The following NCK2 variants were observed in gnomAD, a reference collection of about 807,000 sequenced individuals.
NCK2 encodes the protein cytoplasmic protein NCK2.
In NCK2, 16 loss-of-function variants were observed where a neutral mutation model predicts 33.9. That is an observed-to-expected ratio of 0.47 (90% CI 0.32 to 0.72). The LOEUF is 0.72. Ranked by LOEUF, NCK2 falls within the 30% of genes least tolerant of loss-of-function variation. The pLI is 0.03. For missense variants in NCK2, 418 were observed against 537.3 expected, an observed-to-expected ratio of 0.78 and a Z score of 2.19; for synonymous variants, 273 against 239.9, an observed-to-expected ratio of 1.14 and a Z score of -1.27.
intron 1 of NCK2, among the ~76,000 whole-genome samples, chr2:105,780,323 TATACACACACAC>T (rs1470108435): frequency 4.9e-5 from 5 of 102,740 alleles, no homozygotes; most frequent in African/African-American, 3.2e-4. Flanking sequence ...GAGAGAGATA[TATACACACACAC>T]ACACACACAC....
intron 4 of NCK2, among the ~76,000 whole-genome samples, chr2:105,884,176 C>T (rs1678623257): frequency 6.6e-6 from 1 of 152,214 alleles, no homozygotes; most frequent in Non-Finnish European, 1.5e-5. Context: ...TCTCAGCTGT[C>T]ATCTGTGACT....
intron 1 of NCK2, among the ~76,000 whole-genome samples, chr2:105,754,232 T>C (rs1689539021): frequency 6.6e-6 from 1 of 152,188 alleles, no homozygotes; most frequent in African/African-American, 2.4e-5. Flanking sequence ...GGTTCCAGGA[T>C]ATGTGGTGGC....
At chr2:105,824,160 A>C (rs533454918) in intron 2 of NCK2, among the ~76,000 whole-genome samples, 1 of 151,654 alleles carries the variant, frequency 6.6e-6, no homozygotes, top group African/African-American at 2.4e-5. Context: ...TGTGATTGTT[A>C]CCTTATTTCA....
At chr2:105,839,711 C>G (rs1676564244) in intron 2 of NCK2, among the ~76,000 whole-genome samples, 1 of 152,178 alleles carries the variant, frequency 6.6e-6, no homozygotes. Context: ...GTGCAGGAGT[C>G]TGGCATTTGG....
chr2:105,818,177 G>A lies in NCK2; in HGVS notation c.-17+1564G>A, dbSNP rs997219091. Among the ~76,000 whole-genome samples, 212 of 148,736 alleles carry A rather than the reference G, an allele frequency of 1.4e-3. 1 individual carries two copies. The highest frequency in any genetic ancestry group is 4.5e-3 in the African/African-American group (181 of 40,340). ...ATCATTCTCAGCAAACTATCGCAAGGACAAAAAACCAAACACTGCATGTTC... is the reference window on the plus strand; with the variant it reads ...ATCATTCTCAGCAAACTATCGCAAGAACAAAAAACCAAACACTGCATGTTC... On this transcript the variant is annotated intron_variant, in intron 2 of 4. Coordinates refer to ENST00000233154, the MANE Select transcript of NCK2 (RefSeq NM_003581.5).
chr2:105,839,823 C>T (rs1025321681), intron 2 of NCK2, among the ~76,000 whole-genome samples: 6 of 152,156 alleles, frequency 3.9e-5, no homozygotes, highest in Admixed American at 2.0e-4. Context: ...CCTGGCTACC[C>T]CTCCATCTTT....
intron 2 of NCK2, among the ~76,000 whole-genome samples, chr2:105,828,469 A>G (rs1203099730): frequency 1.3e-5 from 2 of 152,218 alleles, no homozygotes; most frequent in Non-Finnish European, 2.9e-5. Flanking sequence ...CAGCACACTC[A>G]CCCACCGCAG....
chr2:105,843,152 G>A (rs1676714637), intron 2 of NCK2, among the ~76,000 whole-genome samples: 1 of 151,906 alleles, frequency 6.6e-6, no homozygotes, highest in African/African-American at 2.4e-5. Context: ...GAGATATCTT[G>A]GGAATGGGAC....
chr2:105,851,051 C>G (rs1322354371), intron 2 of NCK2, among the ~76,000 whole-genome samples: 1 of 152,162 alleles, frequency 6.6e-6, no homozygotes, highest in Non-Finnish European at 1.5e-5. Context: ...GAGAAAAGAC[C>G]GAAGCCTGTG....
chr2:105,893,486 C>T lies in NCK2; in HGVS notation c.*310C>T. On this transcript the variant is annotated 3_prime_UTR_variant, in exon 5 of 5. Coordinates refer to ENST00000233154, the MANE Select transcript of NCK2 (RefSeq NM_003581.5). Reference sequence around the variant, plus strand: ...CATGGAACCCCTCTTTAAAAAGACGCAGGGCACCTGTGAGCGCAGGAGCGA... The same window carrying T: ...CATGGAACCCCTCTTTAAAAAGACGTAGGGCACCTGTGAGCGCAGGAGCGA... 3.2e-6 allele frequency: 1 copy of T among 316,822 alleles called. No individual in the cohort carries two copies. 19.6% of individuals were successfully genotyped at this position (316,822 alleles called of 1,614,324 possible).
At chr2:105,848,149 C>G (rs757003768) in intron 2 of NCK2, among the ~76,000 whole-genome samples, 1 of 152,214 alleles carries the variant, frequency 6.6e-6, no homozygotes, top group African/African-American at 2.4e-5. Flanking sequence ...TAACACTTGT[C>G]CAGCACAGAC....
chr2:105,890,475 A>G (rs1465841586), intron 4 of NCK2, among the ~76,000 whole-genome samples: 17 of 152,210 alleles, frequency 1.1e-4, no homozygotes, highest in Non-Finnish European at 1.2e-4. Flanking sequence ...TACAACTTCT[A>G]GTACAGAATA....
intron 2 of NCK2, among the ~76,000 whole-genome samples, chr2:105,836,171 G>A (rs1269276711): frequency 6.7e-6 from 1 of 149,000 alleles, no homozygotes; most frequent in Non-Finnish European, 1.5e-5. Context: ...AGGTTTTATT[G>A]TTTCCTTGCT....
At chr2:105,760,406 G>C (rs997209471) in intron 1 of NCK2, among the ~76,000 whole-genome samples, 1 of 152,190 alleles carries the variant, frequency 6.6e-6, no homozygotes, top group Non-Finnish European at 1.5e-5. Context: ...TTCCCCAGGT[G>C]ATTCTGATGC....
intron 1 of NCK2, among the ~76,000 whole-genome samples, chr2:105,781,400 A>G (rs1450516037): frequency 1.3e-5 from 2 of 152,184 alleles, no homozygotes; most frequent in African/African-American, 4.8e-5. Flanking sequence ...AGACTTGACT[A>G]AATGCAATCT....
In NCK2 at chr2:105,879,878, T is replaced by C. The variant is rs567779319; in HGVS notation, c.227-1450T>C. On this transcript the variant is annotated intron_variant, in intron 3 of 4. Transcript: ENST00000233154. ...GGGTACAAGCTACCCATGGAAGTGC[T>C]TGGAGGAAGTCATTTTGAGGAGTCT... is the stretch of plus-strand genomic sequence containing the variant. Among the ~76,000 whole-genome samples the C allele has an allele frequency of 3.3e-5, 5 of 152,360 alleles. No individual in the cohort carries two copies. The East Asian group carries it at 5.8e-4, about 18-fold the overall frequency.
At chr2:105,841,687 A>G (rs1248747474) in intron 2 of NCK2, among the ~76,000 whole-genome samples, 1 of 150,138 alleles carries the variant, frequency 6.7e-6, no homozygotes, top group Admixed American at 6.6e-5. Context: ...CTGGTGACCA[A>G]CCCCATCCTG....
chr2:105,811,589 C>T (rs1002464752), intron 1 of NCK2, among the ~76,000 whole-genome samples: 3 of 152,148 alleles, frequency 2.0e-5, no homozygotes, highest in Non-Finnish European at 4.4e-5. Flanking sequence ...CAGCTTGTCT[C>T]GTGGAACAGG....
At chr2:105,832,629 T>C (rs1458920543) in intron 2 of NCK2, among the ~76,000 whole-genome samples, 1 of 152,202 alleles carries the variant, frequency 6.6e-6, no homozygotes, top group East Asian at 1.9e-4. Flanking sequence ...ACCACATCCT[T>C]GCATTTCTGG....
Sources: gnomAD v4.1 joint callset for allele counts (sites outside exome capture counted in the v4.1 genomes callset) on GRCh38, gnomAD v4.1.1 for gene constraint, MANE v1.5 for transcripts, NCBI Gene and HGNC (gene_info 2026-07-23, HGNC 2026-07-21) for gene names.